PIEZO1: variants seen among roughly 807,000 people sequenced by gnomAD.
PIEZO1 encodes piezo-type mechanosensitive ion channel component 1.
PIEZO1 carries 296 observed loss-of-function variants against 297.2 expected under a neutral mutation model. The ratio of observed to expected loss-of-function variants is 1.00; its 90% CI spans 0.91 to 1.10. PIEZO1 has a LOEUF of 1.10. Among genes scored for constraint, PIEZO1 ranks in the 50% least tolerant of loss-of-function variants. The pLI, the probability that PIEZO1 is intolerant of heterozygous loss-of-function variation, is 0.00. For synonymous variants in PIEZO1, 2,427 were observed against 1,507.5 expected (o/e 1.61, Z -14.13); for missense variants, 5,018 against 3,455.5 (o/e 1.45, Z -11.34).
chr16:88,769,856 T>C (rs1907342375), intron 1 of PIEZO1, among the ~76,000 whole-genome samples: 1 of 152,224 alleles, frequency 6.6e-6, no homozygotes. Flanking sequence ...GCCCTGCTCC[T>C]GCGCAGGTTA....
At chr16:88,760,044 A>C (rs375063926) in intron 1 of PIEZO1, among the ~76,000 whole-genome samples, 1 of 152,152 alleles carries the variant, frequency 6.6e-6, no homozygotes, top group South Asian at 2.1e-4. Flanking sequence ...CTGCCCCTCA[A>C]AGGCCCCAGC....
chr16:88,762,360 GGT>G (rs1906971882), intron 1 of PIEZO1, among the ~76,000 whole-genome samples: 1 of 152,180 alleles, frequency 6.6e-6, no homozygotes, highest in African/African-American at 2.4e-5. Flanking sequence ...CCCCACCTGA[GGT>G]CAGTGATGGG....
intron 22 of PIEZO1, chr16:88,731,437 A>G: frequency 2.0e-6 from 1 of 488,788 alleles, no homozygotes; most frequent in Non-Finnish European, 3.7e-6. Flanking sequence ...GTGACTCACA[A>G]CTTTCCTGAA....
chr16:88,722,688 C>A lies in PIEZO1; in HGVS notation c.4670G>T (p.Gly1557Val). The A allele has an allele frequency of 6.5e-7, 1 of 1,536,918 alleles. No individual in the cohort carries two copies. The highest frequency in any genetic ancestry group is 8.7e-7 in the Non-Finnish European group (1 of 1,146,130). Residue 1557 changes from glycine (G) to valine (V), a missense_variant and splice_region_variant, in exon 35 of 51, where the codon GGC becomes GTC. Physicochemically the swap from Gly to Val is moderately radical, Grantham distance 109. Coordinates refer to ENST00000301015, the MANE Select transcript of PIEZO1 (RefSeq NM_001142864.4). ...CAGCACGCCCCTGTGCACTTCGCCG[C>A]CCTGCAGGGCACAGCAGGGGGCTCA... ...RYLLTQELLQ[G>V]GEVHRGVLDQ...
At chr16:88,728,911 C>G (rs866653637) in intron 22 of PIEZO1, among the ~76,000 whole-genome samples, 4 of 24,198 alleles carry the variant, frequency 1.7e-4, no homozygotes, top group East Asian at 1.5e-3. Context: ...AGTGACCCTC[C>G]ATGCTGGGGA....
intron 1 of PIEZO1, among the ~76,000 whole-genome samples, chr16:88,757,226 G>A (rs1041630686): frequency 7.3e-5 from 11 of 151,180 alleles, no homozygotes; most frequent in South Asian, 4.2e-4. Flanking sequence ...GCTGGAAGAC[G>A]CGATGCATTG....
At chr16:88,778,008 G>C (rs1040612325) in intron 1 of PIEZO1, among the ~76,000 whole-genome samples, 1 of 152,236 alleles carries the variant, frequency 6.6e-6, no homozygotes, top group Non-Finnish European at 1.5e-5. Context: ...ACAAGCCTCC[G>C]GGAGCTCCTG....
chr16:88,720,654 C>T lies in PIEZO1; in HGVS notation c.5763G>A (p.Arg1921=), dbSNP rs1912371520. 2.6e-6 allele frequency: 4 copies of T among 1,548,416 alleles called. No individual in the cohort carries two copies. In the South Asian group the frequency reaches 3.6e-5, roughly 14 times the overall value. Residue 1921 remains arginine (R), a synonymous_variant, in exon 40 of 51, where the codon AGG becomes AGA. Coordinates refer to ENST00000301015, the MANE Select transcript of PIEZO1 (RefSeq NM_001142864.4). ...KRPSRSGGRV[R]AAGRRLQGFC... Reference sequence around the variant, plus strand: ...AGCCCTGCAGCCGCCGCCCGGCCGCCCTTACTCTTCCTCCAGAGCGGCTTG... The same window carrying T: ...AGCCCTGCAGCCGCCGCCCGGCCGCTCTTACTCTTCCTCCAGAGCGGCTTG...
intron 1 of PIEZO1, among the ~76,000 whole-genome samples, chr16:88,755,219 C>T (rs569813788): frequency 6.6e-6 from 1 of 152,370 alleles, no homozygotes; most frequent in Admixed American, 6.5e-5. Context: ...CCGCCGCCCC[C>T]GCCATGTGGC....
chr16:88,728,081 C>T (rs1343148110), intron 22 of PIEZO1, among the ~76,000 whole-genome samples: 1 of 152,268 alleles, frequency 6.6e-6, no homozygotes, highest in Non-Finnish European at 1.5e-5. Context: ...GCACGTGGGA[C>T]CGGGATCCAT....
At chr16:88,764,417 G>A (rs930647434) in intron 1 of PIEZO1, among the ~76,000 whole-genome samples, 1 of 152,154 alleles carries the variant, frequency 6.6e-6, no homozygotes, top group Non-Finnish European at 1.5e-5. Flanking sequence ...GTGTCCTCTG[G>A]GAAACATGAA....
At chr16:88,724,597 G>A (rs1045863500) in intron 30 of PIEZO1, among the ~76,000 whole-genome samples, 5 of 151,914 alleles carry the variant, frequency 3.3e-5, no homozygotes, top group Non-Finnish European at 5.9e-5. Flanking sequence ...GGGAGGCTGA[G>A]GCAGGAGGAT....
intron 12 of PIEZO1, among the ~76,000 whole-genome samples, chr16:88,735,515 G>T (rs1292531709): frequency 6.6e-6 from 1 of 152,260 alleles, no homozygotes; most frequent in Non-Finnish European, 1.5e-5. Flanking sequence ...TAGTTCACGT[G>T]GGCACAGATC....
At chr16:88,765,697 G>T (rs1215546391) in intron 1 of PIEZO1, among the ~76,000 whole-genome samples, 2 of 145,582 alleles carry the variant, frequency 1.4e-5, no homozygotes, top group African/African-American at 5.2e-5. Context: ...TTGAGACAGA[G>T]TCTCACTCTG....
intron 1 of PIEZO1, among the ~76,000 whole-genome samples, chr16:88,756,557 C>G (rs1210410459): frequency 6.6e-6 from 1 of 151,096 alleles, no homozygotes; most frequent in East Asian, 2.0e-4. Context: ...ATCTCATGGT[C>G]AGGAGTTCGA....
intron 39 of PIEZO1, 125 bp from the exon 40 acceptor site, chr16:88,720,873 C>T (rs1912390303): frequency 1.9e-5 from 22 of 1,154,018 alleles, no homozygotes; most frequent in Non-Finnish European, 2.5e-5. Flanking sequence ...CACAGGAAAG[C>T]TCCCAGTGTC....
intron 1 of PIEZO1, among the ~76,000 whole-genome samples, chr16:88,776,230 T>C (rs981096102): frequency 6.6e-5 from 10 of 152,142 alleles, no homozygotes; most frequent in African/African-American, 2.2e-4. Flanking sequence ...GTCAGGAGAT[T>C]GAGACCATCC....
At chr16:88,762,411 C>A (rs897080053) in intron 1 of PIEZO1, among the ~76,000 whole-genome samples, 10 of 152,194 alleles carry the variant, frequency 6.6e-5, no homozygotes, top group Non-Finnish European at 1.3e-4. Flanking sequence ...TGCCCACTGG[C>A]CCCCATCTGA....
chr16:88,733,888 T>G lies in PIEZO1; in HGVS notation c.2329+18A>C. The G allele has an allele frequency of 6.8e-7, 1 of 1,479,196 alleles. No homozygotes were observed. Among genetic ancestry groups the G allele is most frequent in the Non-Finnish European group, 9.0e-7 (1 of 1,108,530 alleles). The allele number at this position is 1,479,196 out of a possible 1,614,324, so 91.6% of individuals were successfully genotyped here. On this transcript the variant is annotated intron_variant, in intron 17 of 50. Coordinates refer to ENST00000301015, the MANE Select transcript of PIEZO1 (RefSeq NM_001142864.4). ...ACAGCAGACTGGGTGGCAGCTGTGC[T>G]CTGCCCGCCCAACCCACCTTCAGGC...
Sources: gnomAD v4.1 joint callset for allele counts (sites outside exome capture counted in the v4.1 genomes callset) on GRCh38, gnomAD v4.1.1 for gene constraint, MANE v1.5 for transcripts, NCBI Gene and HGNC (gene_info 2026-07-23, HGNC 2026-07-21) for gene names.